PHF14: variants seen among roughly 807,000 people sequenced by gnomAD.
PHF14 encodes PHD finger protein 14.
Under a neutral mutation model 117.9 loss-of-function variants are expected in PHF14, and 55 were observed. The ratio of observed to expected loss-of-function variants is 0.47; its 90% CI spans 0.38 to 0.58. PHF14 has a LOEUF of 0.58. Among genes scored for constraint, PHF14 ranks in the 20% least tolerant of loss-of-function variants. The pLI, the probability that PHF14 is intolerant of heterozygous loss-of-function variation, is 0.00. For synonymous variants in PHF14, 409 were observed against 368.6 expected (o/e 1.11, Z -1.26); for missense variants, 978 against 1,122.2 (o/e 0.87, Z 1.84).
intron 16 of PHF14, among the ~76,000 whole-genome samples, chr7:11,073,560 C>G (rs1367467110): frequency 6.6e-6 from 1 of 152,158 alleles, no homozygotes; most frequent in Non-Finnish European, 1.5e-5. Flanking sequence ...ATGCCTGTGG[C>G]TTTTCCAGGC....
intron 17 of PHF14, among the ~76,000 whole-genome samples, chr7:11,167,544 G>C (rs1789235819): frequency 6.6e-6 from 1 of 152,136 alleles, no homozygotes; most frequent in South Asian, 2.1e-4. Context: ...TGTCCTGTTA[G>C]ATGGTAGGAA....
At chr7:11,005,953 C>T (rs1295389168) in intron 4 of PHF14, among the ~76,000 whole-genome samples, 1 of 151,816 alleles carries the variant, frequency 6.6e-6, no homozygotes, top group Admixed American at 6.6e-5. Context: ...CCACCTCACC[C>T]GGCTATATTT....
At position 11,036,509 on chromosome 7, in the gene PHF14, T is replaced by C; in HGVS notation, c.1694T>C (p.Leu565Ser). The stretch of plus-strand genomic sequence containing the variant: ...CAGGCCTGGGTTCCAAGGGAAAAAT[T>C]GCCCAGACCACTCACCAGCAGTGCT... ...RPQAWVPREK[L>S]PRPLTSSASA... Residue 565 changes from leucine to serine, a missense_variant, in exon 9 of 18, where the codon TTG becomes TCG. This residue lies in a region of PHF14 where 237 missense variants were observed against 276.4 expected (regional missense o/e 0.86). Coordinates refer to ENST00000634607, the MANE Select transcript of PHF14 (RefSeq NM_001007157.2). 1.2e-6 allele frequency: 2 copies of C among 1,613,950 alleles called. No individual in the cohort carries two copies. Among genetic ancestry groups the C allele is most frequent in the Non-Finnish European group, 1.7e-6 (2 of 1,179,854 alleles).
chr7:11,022,171 G>A (rs1037787988), intron 5 of PHF14, among the ~76,000 whole-genome samples: 2 of 152,086 alleles, frequency 1.3e-5, no homozygotes, highest in African/African-American at 4.8e-5. Context: ...GAAACTCTGA[G>A]CATTCTTTGT....
At chr7:11,014,368 T>TA (rs1274726049) in intron 5 of PHF14, among the ~76,000 whole-genome samples, 2 of 152,094 alleles carry the variant, frequency 1.3e-5, no homozygotes, top group Non-Finnish European at 2.9e-5. Context: ...CTATAAGGTA[T>TA]AAAAAAACTC....
At chr7:11,025,828 C>A (rs1269599921) in intron 6 of PHF14, among the ~76,000 whole-genome samples, 1 of 151,776 alleles carries the variant, frequency 6.6e-6, no homozygotes, top group African/African-American at 2.4e-5. Flanking sequence ...AAGAAATTGC[C>A]AGGCTGGGTG....
In PHF14 at chr7:11,013,730, G is replaced by A; in HGVS notation, c.1046-17G>A. On this transcript the variant is annotated splice_polypyrimidine_tract_variant and intron_variant, in intron 4 of 17. Transcript: ENST00000634607. The stretch of plus-strand genomic sequence containing the variant: ...AAAATAAACCCTATTTAATCATAGT[G>A]TTTTTGTTTTTTTTAGGTTGTTATG... 7.0e-7 allele frequency: 1 copy of A among 1,438,528 alleles called. No individual in the cohort carries two copies. 89.1% of individuals were successfully genotyped at this position (1,438,528 alleles called of 1,614,324 possible).
intron 17 of PHF14, among the ~76,000 whole-genome samples, chr7:11,115,511 T>C (rs1787571969): frequency 6.6e-6 from 1 of 152,050 alleles, no homozygotes; most frequent in East Asian, 1.9e-4. Flanking sequence ...TTCTATTGAT[T>C]TGCATCATCA....
intron 16 of PHF14, among the ~76,000 whole-genome samples, chr7:11,074,855 C>T (rs77211613): frequency 0.014 from 2,053 of 152,064 alleles, 43 homozygotes; most frequent in African/African-American, 0.047. Context: ...CCCTTGTCTT[C>T]CTGTCTTCTT....
chr7:11,131,126 A>G (rs1788081286), intron 17 of PHF14, among the ~76,000 whole-genome samples: 1 of 151,884 alleles, frequency 6.6e-6, no homozygotes, highest in Non-Finnish European at 1.5e-5. Context: ...GCAGTTATGA[A>G]TAACGCTACT....
At chr7:11,143,839 C>G (rs1788467080) in intron 17 of PHF14, among the ~76,000 whole-genome samples, 1 of 151,816 alleles carries the variant, frequency 6.6e-6, no homozygotes, top group South Asian at 2.1e-4. Flanking sequence ...CCAAGGTGCT[C>G]TTAAAACAGG....
chr7:11,048,721 A>G (rs923471367), intron 13 of PHF14, among the ~76,000 whole-genome samples: 2 of 152,240 alleles, frequency 1.3e-5, no homozygotes, highest in African/African-American at 4.8e-5. Context: ...GATGAAGACT[A>G]TAGTGTTTAA....
chr7:11,088,672 A>G (rs532220764), intron 16 of PHF14, among the ~76,000 whole-genome samples: 92 of 152,314 alleles, frequency 6.0e-4, no homozygotes, highest in African/African-American at 1.9e-3. Flanking sequence ...AAATAGTCAA[A>G]GAAAGAAATG....
intron 17 of PHF14, among the ~76,000 whole-genome samples, chr7:11,111,793 C>T (rs1202398167): frequency 6.6e-6 from 1 of 151,634 alleles, no homozygotes; most frequent in Non-Finnish European, 1.5e-5. Context: ...AGGAAAATTC[C>T]ACCCTGAGTC....
At chr7:11,028,641 A>G (rs1284787676) in intron 6 of PHF14, 40 bp from the exon 7 acceptor site, 2 of 1,603,028 alleles carry the variant, frequency 1.2e-6, no homozygotes, top group Non-Finnish European at 1.7e-6. Flanking sequence ...TAGTCTGGAA[A>G]TAAGTTTGCT....
At chr7:11,080,116 C>A (rs1398085522) in intron 16 of PHF14, among the ~76,000 whole-genome samples, 1 of 152,034 alleles carries the variant, frequency 6.6e-6, no homozygotes, top group African/African-American at 2.4e-5. Flanking sequence ...TTTATTTGCA[C>A]CTGTGAGAAC....
chr7:11,149,272 T>C (rs1788640642), intron 17 of PHF14, among the ~76,000 whole-genome samples: 1 of 152,152 alleles, frequency 6.6e-6, no homozygotes. Flanking sequence ...CATCATTTAA[T>C]CTAAAGTCAT....
At position 11,007,664 on chromosome 7, in the gene PHF14, A is replaced by G. The variant is rs375212286; in HGVS notation, c.1046-6083A>G. 3.9e-5 allele frequency among the ~76,000 whole-genome samples: 6 copies of G among 152,338 alleles called. No homozygotes were observed. In the East Asian group the frequency reaches 9.6e-4, roughly 24 times the overall value. On this transcript the variant is annotated intron_variant, in intron 4 of 17. Transcript: ENST00000634607. ...TTTATTTAGAGAAAACTATTTGCCTATCATAATACATGAATATTAAATAAA... is the reference window on the plus strand; with the variant it reads ...TTTATTTAGAGAAAACTATTTGCCTGTCATAATACATGAATATTAAATAAA...
intron 16 of PHF14, among the ~76,000 whole-genome samples, chr7:11,082,378 A>G (rs1056831524): frequency 1.3e-5 from 2 of 152,300 alleles, no homozygotes; most frequent in East Asian, 3.9e-4. Flanking sequence ...ACATCAATTT[A>G]ATAAAACCAT....
Sources: gnomAD v4.1 joint callset for allele counts (sites outside exome capture counted in the v4.1 genomes callset) on GRCh38, gnomAD v4.1.1 for gene constraint, gnomAD v4.1.1 regional missense constraint, MANE v1.5 for transcripts, NCBI Gene and HGNC (gene_info 2026-07-23, HGNC 2026-07-21) for gene names.